The following ADGRB3 variants were observed in gnomAD, a reference collection of about 807,000 sequenced individuals.
The protein encoded by ADGRB3 is adhesion G protein-coupled receptor B3.
ADGRB3 carries 37 observed loss-of-function variants against 193.4 expected under a neutral mutation model. That is an observed-to-expected ratio of 0.19 (90% CI 0.15 to 0.25). The LOEUF is 0.25. Among genes scored for constraint, ADGRB3 ranks in the 10% least tolerant of loss-of-function variants. ADGRB3 has a pLI of 1.00. For synonymous variants in ADGRB3, 690 were observed against 644.2 expected, an observed-to-expected ratio of 1.07 and a Z score of -1.08; for missense variants, 1,637 against 1,852.9, an observed-to-expected ratio of 0.88 and a Z score of 2.14.
chr6:69,083,256 C>T (rs9360371), intron 17 of ADGRB3, among the ~76,000 whole-genome samples: 102,972 of 152,100 alleles, frequency 0.68, 35,806 homozygotes, highest in East Asian at 0.96. Context: ...TTATATTTTC[C>T]GCTTTATTTT....
At chr6:69,167,159 G>T (rs965494255) in intron 17 of ADGRB3, among the ~76,000 whole-genome samples, 1 of 152,104 alleles carries the variant, frequency 6.6e-6, no homozygotes, top group African/African-American at 2.4e-5. Context: ...CAGGGTAGAA[G>T]TATGTATGCT....
chr6:69,186,409 G>A (rs1328773185), intron 17 of ADGRB3, among the ~76,000 whole-genome samples: 1 of 151,878 alleles, frequency 6.6e-6, no homozygotes, highest in Non-Finnish European at 1.5e-5. Flanking sequence ...TGCAAAGATG[G>A]AACATATGCT....
At chr6:69,123,005 T>TGTGTGTAC (rs1341587068) in intron 17 of ADGRB3, among the ~76,000 whole-genome samples, 3 of 151,210 alleles carry the variant, frequency 2.0e-5, no homozygotes, top group East Asian at 4.0e-4. Context: ...TGTGAGTGTG[T>TGTGTGTAC]GTGTGTGTGT....
At chr6:68,675,907 T>C (rs1769075737) in intron 3 of ADGRB3, among the ~76,000 whole-genome samples, 1 of 152,218 alleles carries the variant, frequency 6.6e-6, no homozygotes, top group Non-Finnish European at 1.5e-5. Flanking sequence ...GAATCCGCTT[T>C]TTATGAAACC....
intron 15 of ADGRB3, among the ~76,000 whole-genome samples, chr6:69,052,017 AATAGC>A (rs1771410696): frequency 6.6e-6 from 1 of 151,970 alleles, no homozygotes; most frequent in Non-Finnish European, 1.5e-5. Flanking sequence ...CAGCCTCCTG[AATAGC>A]TGGGACTTCA....
chr6:68,903,230 A>G (rs1388941147), intron 3 of ADGRB3, among the ~76,000 whole-genome samples: 1 of 152,166 alleles, frequency 6.6e-6, no homozygotes, highest in Non-Finnish European at 1.5e-5. Flanking sequence ...ACAAAATTAA[A>G]CATTTCAGGA....
chr6:68,638,515 TATAAA>T, intron 2 of ADGRB3, 141 bp from the exon 3 acceptor site: 1 of 804,890 alleles, frequency 1.2e-6, no homozygotes. Context: ...TTTCCTGTGT[TATAAA>T]ATAAAAATTA....
chr6:69,022,075 A>G (rs1770287012), intron 13 of ADGRB3, among the ~76,000 whole-genome samples: 1 of 151,856 alleles, frequency 6.6e-6, no homozygotes, highest in Non-Finnish European at 1.5e-5. Context: ...TGTATATGAC[A>G]TCTAAAATAA....
chr6:68,643,393 C>T (rs1026797563), intron 3 of ADGRB3, among the ~76,000 whole-genome samples: 1 of 135,378 alleles, frequency 7.4e-6, no homozygotes, highest in Non-Finnish European at 1.6e-5. Flanking sequence ...CCTCAGATAA[C>T]TTTAGGAGTC....
intron 16 of ADGRB3, among the ~76,000 whole-genome samples, chr6:69,066,505 T>C (rs971137340): frequency 6.6e-6 from 1 of 152,048 alleles, no homozygotes; most frequent in African/African-American, 2.4e-5. Flanking sequence ...TACAATATGT[T>C]AAATATAATA....
intron 3 of ADGRB3, among the ~76,000 whole-genome samples, chr6:68,755,981 T>G (rs1417191448): frequency 2.6e-5 from 4 of 152,148 alleles, no homozygotes; most frequent in Non-Finnish European, 5.9e-5. Context: ...AATTCTTAGG[T>G]AGAGGAAAAA....
chr6:68,840,926 G>T (rs549284787), intron 3 of ADGRB3, among the ~76,000 whole-genome samples: 1 of 151,936 alleles, frequency 6.6e-6, no homozygotes, highest in Non-Finnish European at 1.5e-5. Flanking sequence ...TCATGCCAAC[G>T]GAAACCAAAA....
At chr6:68,917,453 TAA>T (rs1357913859) in intron 3 of ADGRB3, among the ~76,000 whole-genome samples, 13 of 152,056 alleles carry the variant, frequency 8.5e-5, no homozygotes, top group African/African-American at 2.4e-4. Flanking sequence ...TTCTACATGA[TAA>T]GTTTCTAAAT....
At chr6:68,747,694 T>C (rs1766111088) in intron 3 of ADGRB3, among the ~76,000 whole-genome samples, 1 of 152,186 alleles carries the variant, frequency 6.6e-6, no homozygotes. Context: ...AATCTTTGAA[T>C]AGTTTATAGG....
intron 16 of ADGRB3, among the ~76,000 whole-genome samples, chr6:69,066,202 A>G (rs957344900): frequency 2.6e-5 from 4 of 151,350 alleles, no homozygotes; most frequent in Non-Finnish European, 5.9e-5. Flanking sequence ...AGTTATATAT[A>G]TGCATGTATA....
At chr6:69,031,468 CT>C (rs1224754744) in intron 13 of ADGRB3, among the ~76,000 whole-genome samples, 1 of 139,376 alleles carries the variant, frequency 7.2e-6, no homozygotes, top group Non-Finnish European at 1.6e-5. Flanking sequence ...TCTAGAGTTT[CT>C]TACATGTTAA....
chr6:68,746,669 G>A (rs1766091907), intron 3 of ADGRB3, among the ~76,000 whole-genome samples: 1 of 151,170 alleles, frequency 6.6e-6, no homozygotes, highest in Non-Finnish European at 1.5e-5. Context: ...TTATCCTTGA[G>A]CTTTCCCTCT....
intron 20 of ADGRB3, among the ~76,000 whole-genome samples, chr6:69,265,474 G>A (rs939307670): frequency 6.6e-6 from 1 of 151,872 alleles, no homozygotes; most frequent in Admixed American, 6.6e-5. Flanking sequence ...TCCATATGGG[G>A]AAGCTGCCCA....
chr6:69,297,400 C>G (rs1302552070), intron 20 of ADGRB3, among the ~76,000 whole-genome samples: 2 of 144,030 alleles, frequency 1.4e-5, no homozygotes, highest in African/African-American at 5.3e-5. Flanking sequence ...CTATCTCTCT[C>G]TCTCTCTCTC....
Sources: gnomAD v4.1 joint callset for allele counts (sites outside exome capture counted in the v4.1 genomes callset) on GRCh38, gnomAD v4.1.1 for gene constraint, MANE v1.5 for transcripts, NCBI Gene and HGNC (gene_info 2026-07-23, HGNC 2026-07-21) for gene names.